Variants in FARP1 observed in about 807,000 individuals in gnomAD.
The protein encoded by FARP1 is FERM, ARHGEF and pleckstrin domain-containing protein 1.
In FARP1, 52 loss-of-function variants were observed where a neutral mutation model predicts 128.8. The observed-to-expected ratio is 0.40, with a 90% CI of 0.32 to 0.51. The LOEUF (loss-of-function observed/expected upper bound fraction) is 0.51. Ranked by LOEUF, FARP1 falls within the 20% of genes least tolerant of loss-of-function variation. The pLI is 0.45. For synonymous variants in FARP1, 580 were observed against 551.8 expected (o/e 1.05, Z -0.72); for missense variants, 1,333 against 1,367.9 (o/e 0.97, Z 0.40).
chr13:98,333,859 C>T (rs544151185), intron 2 of FARP1: 2 of 152,080 alleles, frequency 1.3e-5, no homozygotes, highest in South Asian at 2.1e-4. Context: ...TAGTTCCTGT[C>T]GGTGGTCGCA....
intron 2 of FARP1, among the ~76,000 whole-genome samples, chr13:98,299,385 G>T (rs1226193987): frequency 6.6e-6 from 1 of 152,182 alleles, no homozygotes; most frequent in East Asian, 1.9e-4. Context: ...ACTCTGGCTG[G>T]CTCTATTTGA....
At chr13:98,364,038 C>A (rs889988627) in intron 3 of FARP1, among the ~76,000 whole-genome samples, 8 of 152,188 alleles carry the variant, frequency 5.3e-5, no homozygotes, top group Non-Finnish European at 1.2e-4. Context: ...CCGCACCTGG[C>A]CTGTCTTTCG....
rs760000656 is a variant in FARP1 at position 98,409,366 on chromosome 13, C to T, written c.1443C>T (p.Ser481=). 1.5e-5 allele frequency: 25 copies of T among 1,613,782 alleles called. No homozygotes were observed. Among genetic ancestry groups the T allele is most frequent in the Non-Finnish European group, 1.8e-5 (21 of 1,179,930 alleles). Reference sequence around the variant, plus strand: ...CCCTGACTGGCAGTCCTCACCTTTCCGAGCTGTCTGTGAACTCGCAGGGGG... The same window carrying T: ...CCCTGACTGGCAGTCCTCACCTTTCTGAGCTGTCTGTGAACTCGCAGGGGG... ...TGSLTGSPHL[S]ELSVNSQGGV... Residue 481 remains serine (S), a synonymous_variant, in exon 14 of 27, where the codon TCC becomes TCT. Coordinates refer to ENST00000319562, the MANE Select transcript of FARP1 (RefSeq NM_005766.4).
At chr13:98,184,533 A>G (rs1326993841) in intron 1 of FARP1, among the ~76,000 whole-genome samples, 1 of 152,252 alleles carries the variant, frequency 6.6e-6, no homozygotes, top group Non-Finnish European at 1.5e-5. Context: ...GCTTTATGAA[A>G]CAGTATGTGG....
intron 1 of FARP1, among the ~76,000 whole-genome samples, chr13:98,150,306 C>T (rs1337872133): frequency 1.3e-5 from 2 of 152,224 alleles, no homozygotes; most frequent in East Asian, 1.9e-4. Flanking sequence ...GCTGGGATTA[C>T]AGGCTTGAGT....
chr13:98,213,795 A>G (rs1195310670), intron 2 of FARP1, among the ~76,000 whole-genome samples: 1 of 152,036 alleles, frequency 6.6e-6, no homozygotes, highest in Non-Finnish European at 1.5e-5. Context: ...CCTCTCTCAC[A>G]TTGGTGCTTG....
At chr13:98,192,873 C>G (rs1024371690) in intron 1 of FARP1, among the ~76,000 whole-genome samples, 1 of 152,140 alleles carries the variant, frequency 6.6e-6, no homozygotes. Context: ...GGTATTTTAT[C>G]AAGTGAAGTA....
chr13:98,437,087 A>C (rs911910034), intron 19 of FARP1, among the ~76,000 whole-genome samples: 2 of 152,194 alleles, frequency 1.3e-5, no homozygotes, highest in Non-Finnish European at 1.5e-5. Context: ...TTGCTCTGTG[A>C]AAATGACATA....
rs550891257 is a variant in FARP1 at position 98,287,577 on chromosome 13, A to G, written c.172-56185A>G. ...TCTGACTTTGCTTTTACACATTGGC[A>G]ACCAGATTCTACTTGACTGATTCTA... On this transcript the variant is annotated intron_variant, in intron 2 of 26. Coordinates refer to ENST00000319562, the MANE Select transcript of FARP1 (RefSeq NM_005766.4). Among the ~76,000 whole-genome samples, 28 of 152,096 alleles carry G rather than the reference A, an allele frequency of 1.8e-4. No homozygotes were observed. The East Asian group carries it at 5.2e-3, about 28-fold the overall frequency.
Position 98,390,114 on chromosome 13 carries a change from G to A in FARP1, c.1013G>A (p.Arg338Gln), listed in dbSNP as rs1890251352. 5 of 1,613,088 alleles carry A rather than the reference G, an allele frequency of 3.1e-6. No individual in the cohort carries two copies. Among genetic ancestry groups the A allele is most frequent in the African/African-American group, 2.7e-5 (2 of 74,956 alleles). Reference protein sequence around the residue: ...PVLFSRGSSFRFSGRTQKQVL... With the variant: ...PVLFSRGSSFQFSGRTQKQVL... ...CTCTTTAGCCGGGGGTCATCATTTC[G>A]GTTCAGGTGAGGTCGCCACTTTGTG... is the stretch of plus-strand genomic sequence containing the variant. Residue 338 changes from arginine to glutamine, a missense_variant, in exon 10 of 27, where the codon CGG (arginine) becomes CAG (glutamine). Physicochemically the swap from Arg to Gln is conservative, Grantham distance 43. Transcript: ENST00000319562.
At chr13:98,340,820 A>G (rs1217948546) in intron 2 of FARP1, 1 of 152,212 alleles carries the variant, frequency 6.6e-6, no homozygotes, top group African/African-American at 2.4e-5. Context: ...GACCTGGGAA[A>G]TGCTTGTCTG....
intron 5 of FARP1, among the ~76,000 whole-genome samples, chr13:98,372,150 G>A (rs184809352): frequency 2.0e-4 from 28 of 137,460 alleles, no homozygotes; most frequent in Admixed American, 9.1e-4. Flanking sequence ...GCAATGGCAC[G>A]ATCTTGGCTC....
chr13:98,352,793 T>C (rs1352832710), intron 3 of FARP1, among the ~76,000 whole-genome samples: 1 of 152,184 alleles, frequency 6.6e-6, no homozygotes, highest in Non-Finnish European at 1.5e-5. Flanking sequence ...TGTTGAATAG[T>C]ACTGTGAGTG....
intron 1 of FARP1, among the ~76,000 whole-genome samples, chr13:98,144,160 C>G (rs184701433): frequency 4.3e-4 from 66 of 152,150 alleles, no homozygotes; most frequent in African/African-American, 1.4e-3. Context: ...GATTCAAGTT[C>G]CGGAAACTTT....
intron 2 of FARP1, among the ~76,000 whole-genome samples, chr13:98,292,028 C>CTT (rs1341354133): frequency 2.0e-5 from 3 of 152,194 alleles, no homozygotes; most frequent in Non-Finnish European, 2.9e-5. Flanking sequence ...ATTGAAAAGG[C>CTT]TTTTCCAAGG....
intron 2 of FARP1, among the ~76,000 whole-genome samples, chr13:98,318,059 C>G (rs1482796600): frequency 6.9e-6 from 1 of 144,598 alleles, no homozygotes; most frequent in African/African-American, 2.6e-5. Flanking sequence ...TTCCTTCCTT[C>G]TCCTCCTCCT....
intron 2 of FARP1, among the ~76,000 whole-genome samples, chr13:98,272,128 C>T (rs947631971): frequency 3.9e-5 from 6 of 152,010 alleles, no homozygotes; most frequent in Non-Finnish European, 7.4e-5. Context: ...CTCCTGGGTT[C>T]AAGTGATTCT....
intron 13 of FARP1, chr13:98,403,621 C>T (rs1890858319): frequency 2.0e-5 from 3 of 152,178 alleles, no homozygotes; most frequent in Non-Finnish European, 1.5e-5. Context: ...AGCTGTTTTT[C>T]ATTTTGGTGG....
At chr13:98,273,604 C>T (rs546894205) in intron 2 of FARP1, among the ~76,000 whole-genome samples, 18 of 152,336 alleles carry the variant, frequency 1.2e-4, no homozygotes, top group African/African-American at 4.3e-4. Context: ...AGGCCTGGGG[C>T]CTCATCTCTC....
Sources: gnomAD v4.1 joint callset for allele counts (sites outside exome capture counted in the v4.1 genomes callset) on GRCh38, gnomAD v4.1.1 for gene constraint, MANE v1.5 for transcripts, NCBI Gene and HGNC (gene_info 2026-07-23, HGNC 2026-07-21) for gene names.